The following CSMD1 variants were observed in gnomAD, a reference collection of about 807,000 sequenced individuals.
The protein encoded by CSMD1 is CUB and Sushi multiple domains 1.
CSMD1 carries 213 observed loss-of-function variants against 417.5 expected under a neutral mutation model. The ratio of observed to expected loss-of-function variants is 0.51; its 90% CI spans 0.46 to 0.57. The LOEUF is 0.57. Among genes scored for constraint, CSMD1 ranks in the 20% least tolerant of loss-of-function variants. The pLI is 0.00. For synonymous variants in CSMD1, 2,862 were observed against 1,736.8 expected (o/e 1.65, Z -16.11); for missense variants, 6,923 against 4,529.7 (o/e 1.53, Z -15.17).
chr8:3,033,046 A>G (rs1334223843), intron 50 of CSMD1, among the ~76,000 whole-genome samples: 4 of 152,136 alleles, frequency 2.6e-5, no homozygotes, highest in Non-Finnish European at 2.9e-5. Flanking sequence ...AAGAAATTCA[A>G]CAAATTTATT....
chr8:4,583,735 C>G (rs1384302015), intron 2 of CSMD1, among the ~76,000 whole-genome samples: 1 of 151,970 alleles, frequency 6.6e-6, no homozygotes, highest in African/African-American at 2.4e-5. Flanking sequence ...AGCACCCTGT[C>G]AAAACAGACC....
rs1220996913 is a variant in CSMD1, at chr8:3,698,908, A to G, written c.1009+9506T>C. On this transcript the variant is annotated intron_variant, in intron 7 of 69. Coordinates refer to ENST00000635120, the MANE Select transcript of CSMD1 (RefSeq NM_033225.6). ...CATTTGCAATTGATTGGATTAGGGG[A>G]CATGTCACAACTTCCATTCTGTGGT... is the stretch of plus-strand genomic sequence containing the variant. 2.0e-5 allele frequency among the ~76,000 whole-genome samples: 3 copies of G among 152,188 alleles called. No homozygotes were observed. The East Asian group carries it at 5.8e-4, about 29-fold the overall frequency.
At chr8:4,313,263 C>G (rs1798730620) in intron 3 of CSMD1, among the ~76,000 whole-genome samples, 1 of 152,032 alleles carries the variant, frequency 6.6e-6, no homozygotes, top group Non-Finnish European at 1.5e-5. Context: ...AGTCACTTTC[C>G]TCTAGTGCCC....
chr8:3,981,493 AAAAAAGT>A (rs1317468984), intron 5 of CSMD1, among the ~76,000 whole-genome samples: 1 of 90,982 alleles, frequency 1.1e-5, no homozygotes, highest in Non-Finnish European at 2.2e-5. Context: ...TAACTTATAG[AAAAAAGT>A]AAAAAAAAAA....
intron 4 of CSMD1, among the ~76,000 whole-genome samples, chr8:3,998,353 T>A (rs1006892297): frequency 6.6e-6 from 1 of 152,192 alleles, no homozygotes; most frequent in Admixed American, 6.5e-5. Flanking sequence ...AACGGTGGCT[T>A]TTCTGAAACA....
chr8:4,824,532 A>G (rs1799705709), intron 1 of CSMD1, among the ~76,000 whole-genome samples: 1 of 152,178 alleles, frequency 6.6e-6, no homozygotes, highest in African/African-American at 2.4e-5. Flanking sequence ...TGGGAATACA[A>G]GAAAGTTCTA....
At chr8:3,803,043 C>T (rs4527894) in intron 5 of CSMD1, among the ~76,000 whole-genome samples, 117,816 of 152,172 alleles carry the variant, frequency 0.77, 45,869 homozygotes, top group African/African-American at 0.84. Context: ...GAAAAAAATG[C>T]GGAAGATGAA....
At chr8:3,152,100 G>T (rs1434962266) in intron 39 of CSMD1, among the ~76,000 whole-genome samples, 1 of 152,196 alleles carries the variant, frequency 6.6e-6, no homozygotes, top group African/African-American at 2.4e-5. Flanking sequence ...ACACATGACT[G>T]TCAGATAGCT....
intron 5 of CSMD1, among the ~76,000 whole-genome samples, chr8:3,811,327 C>T (rs1801062416): frequency 6.6e-6 from 1 of 152,190 alleles, no homozygotes; most frequent in Non-Finnish European, 1.5e-5. Context: ...CACACTGTAC[C>T]TTAATTATGG....
chr8:4,964,189 C>A (rs1188667058), intron 1 of CSMD1, among the ~76,000 whole-genome samples: 1 of 151,926 alleles, frequency 6.6e-6, no homozygotes, highest in African/African-American at 2.4e-5. Context: ...AAGGGAAATA[C>A]ATTAATACAT....
chr8:3,577,880 C>T (rs748684018), intron 9 of CSMD1, among the ~76,000 whole-genome samples: 4 of 152,138 alleles, frequency 2.6e-5, no homozygotes, highest in Non-Finnish European at 4.4e-5. Flanking sequence ...CTCAGTTTTT[C>T]AAATGGCAAC....
At chr8:3,718,215 T>G (rs1017399456) in intron 6 of CSMD1, among the ~76,000 whole-genome samples, 62 of 152,340 alleles carry the variant, frequency 4.1e-4, no homozygotes, top group African/African-American at 1.4e-3. Flanking sequence ...TTTTTTAAAG[T>G]CTGGAAACAG....
chr8:4,018,968 A>T (rs1048549746), intron 4 of CSMD1, among the ~76,000 whole-genome samples: 1 of 152,204 alleles, frequency 6.6e-6, no homozygotes, highest in African/African-American at 2.4e-5. Flanking sequence ...ACATTTTGTG[A>T]TTGCTTTGTG....
Position 3,896,801 on chromosome 8 carries a change from T to A in CSMD1, c.818+101102A>T, listed in dbSNP as rs150362896. Among the ~76,000 whole-genome samples, 281 of 152,250 alleles carry A rather than the reference T, an allele frequency of 1.8e-3. 4 individuals are homozygous for A. Among genetic ancestry groups the A allele is most frequent in the African/African-American group, 6.4e-3 (265 of 41,542 alleles). ...CAAGTATATTGTCTGAGAGTCTGAA[T>A]TGATGGTCTGATTGTGACATCAAGT... On this transcript the variant is annotated intron_variant, in intron 5 of 69. Coordinates refer to ENST00000635120, the MANE Select transcript of CSMD1 (RefSeq NM_033225.6).
chr8:3,137,442 T>C (rs549111582), intron 41 of CSMD1, among the ~76,000 whole-genome samples: 178 of 152,316 alleles, frequency 1.2e-3, no homozygotes, highest in Non-Finnish European at 1.4e-3. Context: ...GGGGAGCAAT[T>C]ACAGGTAAGG....
Position 4,198,860 on chromosome 8 carries a change from C to G in CSMD1, c.416-166761G>C, listed in dbSNP as rs192034052. ...CTCAGGAGAGACAGCGCAACAATATCACGTATTTCCCCTTCCTTTTAATTT... is the reference window on the plus strand; with the variant it reads ...CTCAGGAGAGACAGCGCAACAATATGACGTATTTCCCCTTCCTTTTAATTT... On this transcript the variant is annotated intron_variant, in intron 3 of 69. Coordinates refer to ENST00000635120, the MANE Select transcript of CSMD1 (RefSeq NM_033225.6). Among the ~76,000 whole-genome samples the G allele has an allele frequency of 1.9e-4, 29 of 152,216 alleles. No homozygotes were observed. The East Asian group carries it at 5.4e-3, about 28-fold the overall frequency.
At chr8:4,443,407 A>C (rs1377307207) in intron 2 of CSMD1, among the ~76,000 whole-genome samples, 1 of 152,218 alleles carries the variant, frequency 6.6e-6, no homozygotes, top group Non-Finnish European at 1.5e-5. Context: ...GTTCCAAGAA[A>C]ATTGCAACAA....
intron 3 of CSMD1, among the ~76,000 whole-genome samples, chr8:4,409,357 G>A (rs867485281): frequency 9.2e-5 from 14 of 151,712 alleles, no homozygotes; most frequent in African/African-American, 4.8e-5. Context: ...TCTTCTCCTC[G>A]AATTGCCTCA....
intron 25 of CSMD1, among the ~76,000 whole-genome samples, chr8:3,305,858 TTTTAGTAGAGAAGGGGTTTC>T (rs1300722437): frequency 6.6e-6 from 1 of 151,990 alleles, no homozygotes; most frequent in Non-Finnish European, 1.5e-5. Context: ...TTTTTTGTAT[TTTTAGTAGAGAAGGGGTTTC>T]ACCATGTTAG....
Sources: gnomAD v4.1 joint callset for allele counts (sites outside exome capture counted in the v4.1 genomes callset) on GRCh38, gnomAD v4.1.1 for gene constraint, MANE v1.5 for transcripts, NCBI Gene and HGNC (gene_info 2026-07-23, HGNC 2026-07-21) for gene names.